The following ANKFN1 variants were observed in gnomAD, a reference collection of about 807,000 sequenced individuals.
ANKFN1 encodes ankyrin repeat and fibronectin type-III domain-containing protein 1.
Under a neutral mutation model 108.7 loss-of-function variants are expected in ANKFN1, and 74 were observed. The ratio of observed to expected loss-of-function variants is 0.68; its 90% CI spans 0.56 to 0.83. The LOEUF is 0.83. ANKFN1 is among the 40% of genes least tolerant of loss of function. The pLI is 0.00. For synonymous variants in ANKFN1, 547 were observed against 516.2 expected (o/e 1.06, Z -0.81); for missense variants, 1,505 against 1,382.3 (o/e 1.09, Z -1.41).
chr17:56,366,567 G>A (rs901708103), intron 6 of ANKFN1, among the ~76,000 whole-genome samples: 37 of 152,106 alleles, frequency 2.4e-4, no homozygotes, highest in African/African-American at 8.9e-4. Context: ...GCCCTATACA[G>A]CTCTACCATG....
chr17:56,133,293 G>A (rs948554626), intron 4 of ANKFN1, among the ~76,000 whole-genome samples: 11 of 152,160 alleles, frequency 7.2e-5, no homozygotes, highest in Admixed American at 2.0e-4. Flanking sequence ...CAAGATAATT[G>A]CTGAGGGTCC....
At chr17:56,348,160 GT>G (rs2144656462) in intron 4 of ANKFN1, among the ~76,000 whole-genome samples, 1 of 152,176 alleles carries the variant, frequency 6.6e-6, no homozygotes, top group Non-Finnish European at 1.5e-5. Flanking sequence ...TGAATCAAAG[GT>G]AAAGGATTTG....
rs370010581 is a variant in ANKFN1 at position 56,087,501 on chromosome 17, C to T, written c.288+41176C>T. ...CTCTAGATACCTACTGCTTCTTTTG[C>T]CCTTCAATTTAGCTCAACGCCAGTG... On this transcript the variant is annotated intron_variant, in intron 4 of 12. Coordinates refer to the ANKFN1 transcript ENST00000635860. Among the ~76,000 whole-genome samples the T allele has an allele frequency of 4.6e-5, 7 of 151,144 alleles. No individual in the cohort carries two copies. In the East Asian group the frequency reaches 7.7e-4, roughly 17 times the overall value.
chr17:56,347,584 G>A (rs2046138344), intron 4 of ANKFN1, among the ~76,000 whole-genome samples: 1 of 152,054 alleles, frequency 6.6e-6, no homozygotes, highest in Non-Finnish European at 1.5e-5. Flanking sequence ...AGCACAATTA[G>A]TTGGGAGGGT....
intron 2 of ANKFN1, among the ~76,000 whole-genome samples, chr17:56,215,419 G>C (rs1306007379): frequency 6.6e-6 from 1 of 152,204 alleles, no homozygotes; most frequent in Non-Finnish European, 1.5e-5. Context: ...AAGGTGAGCA[G>C]ACACACTGAG....
chr17:56,125,254 T>C (rs1567795215), intron 4 of ANKFN1, among the ~76,000 whole-genome samples: 1 of 152,236 alleles, frequency 6.6e-6, no homozygotes, highest in Non-Finnish European at 1.5e-5. Flanking sequence ...GCTCCAAATC[T>C]GGTTGGTCCT....
At chr17:56,112,571 G>T (rs764165435) in intron 4 of ANKFN1, among the ~76,000 whole-genome samples, 54 of 152,096 alleles carry the variant, frequency 3.6e-4, no homozygotes, top group Non-Finnish European at 6.5e-4. Flanking sequence ...CCATTGGCTG[G>T]ATAATGTTTT....
chr17:56,128,516 C>A (rs933685665), intron 4 of ANKFN1, among the ~76,000 whole-genome samples: 6 of 152,108 alleles, frequency 3.9e-5, no homozygotes, highest in African/African-American at 7.2e-5. Context: ...GTAACAATGT[C>A]CTGGTTTTTA....
At chr17:56,122,269 CT>C (rs1003826111) in intron 4 of ANKFN1, among the ~76,000 whole-genome samples, 6 of 152,178 alleles carry the variant, frequency 3.9e-5, no homozygotes, top group African/African-American at 1.4e-4. Context: ...ACCTTTATGG[CT>C]CCTTCAAACC....
chr17:56,071,143 A>C (rs920610133), intron 4 of ANKFN1, among the ~76,000 whole-genome samples: 3 of 152,112 alleles, frequency 2.0e-5, no homozygotes, highest in Non-Finnish European at 4.4e-5. Context: ...TTGACATAGA[A>C]ACTCCTTTCT....
At chr17:56,205,098 A>G (rs1914419422) in intron 1 of ANKFN1, among the ~76,000 whole-genome samples, 1 of 152,146 alleles carries the variant, frequency 6.6e-6, no homozygotes, top group Non-Finnish European at 1.5e-5. Flanking sequence ...AAAACAAAAC[A>G]AAACAAAAAC....
intron 4 of ANKFN1, among the ~76,000 whole-genome samples, chr17:56,093,509 G>C (rs888345422): frequency 6.6e-6 from 1 of 151,164 alleles, no homozygotes; most frequent in East Asian, 1.9e-4. Flanking sequence ...CGCAAAAAAC[G>C]GCACCCAGGA....
At chr17:56,484,532 A>G (rs901062375) in intron 18 of ANKFN1, among the ~76,000 whole-genome samples, 4 of 152,206 alleles carry the variant, frequency 2.6e-5, no homozygotes, top group African/African-American at 9.6e-5. Context: ...TCAGAGGGGA[A>G]AAAATGGTTT....
chr17:56,202,118 G>C (rs1263599939), intron 1 of ANKFN1, among the ~76,000 whole-genome samples: 1 of 152,184 alleles, frequency 6.6e-6, no homozygotes, highest in African/African-American at 2.4e-5. Context: ...AAAGTAGCCT[G>C]GGAAGCGATT....
intron 20 of ANKFN1, among the ~76,000 whole-genome samples, chr17:56,509,426 G>A (rs1400992316): frequency 6.6e-6 from 1 of 152,166 alleles, no homozygotes; most frequent in Non-Finnish European, 1.5e-5. Context: ...AAACTGGAAG[G>A]AAAGAGAAAG....
chr17:56,058,107 A>G (rs904197032), intron 4 of ANKFN1, among the ~76,000 whole-genome samples: 2 of 152,220 alleles, frequency 1.3e-5, no homozygotes, highest in African/African-American at 4.8e-5. Flanking sequence ...TAATTTTTAA[A>G]GGCCCTAGGG....
chr17:56,470,271 T>C (rs1459844342), intron 15 of ANKFN1, among the ~76,000 whole-genome samples: 2 of 152,212 alleles, frequency 1.3e-5, no homozygotes, highest in Non-Finnish European at 2.9e-5. Flanking sequence ...GTCTTTATAA[T>C]AGAATGATTT....
At chr17:56,143,262 G>A (rs1908038196) in intron 4 of ANKFN1, among the ~76,000 whole-genome samples, 1 of 152,174 alleles carries the variant, frequency 6.6e-6, no homozygotes, top group African/African-American at 2.4e-5. Flanking sequence ...AAAGGCAGTG[G>A]TGGAGAGGAT....
At chr17:56,156,507 C>T (rs775584672) in intron 1 of ANKFN1, 1 of 152,194 alleles carries the variant, frequency 6.6e-6, no homozygotes, top group Non-Finnish European at 1.5e-5. Context: ...TGTTATTGTC[C>T]AAACTAATCC....
Sources: allele counts gnomAD v4.1 joint callset (sites outside exome capture counted in the v4.1 genomes callset), GRCh38; gene constraint gnomAD v4.1.1; transcripts MANE v1.5; gene names NCBI Gene and HGNC (gene_info 2026-07-23, HGNC 2026-07-21).